The following EPS8 variants were observed in gnomAD, a reference collection of about 807,000 sequenced individuals.
EPS8 encodes EGFR pathway substrate 8, signaling adaptor.
Under a neutral mutation model 103.8 loss-of-function variants are expected in EPS8, and 42 were observed. The observed-to-expected ratio is 0.40, with a 90% CI of 0.32 to 0.52. EPS8 has a LOEUF of 0.52. Ranked by LOEUF, EPS8 falls within the 20% of genes least tolerant of loss-of-function variation. The pLI is 0.40. For missense variants in EPS8, 969 were observed against 1,005.1 expected (o/e 0.96, Z 0.49); for synonymous variants, 344 against 344.6 (o/e 1.00, Z 0.02).
At chr12:15,740,329 G>A (rs1364546247) in intron 1 of EPS8, among the ~76,000 whole-genome samples, 1 of 152,070 alleles carries the variant, frequency 6.6e-6, no homozygotes, top group Non-Finnish European at 1.5e-5. Flanking sequence ...GGCAGATCAT[G>A]AGGTCAGGAG....
rs373868384 is a variant in EPS8 at position 15,662,103 on chromosome 12, T to C, written c.737-4A>G. The C allele has an allele frequency of 2.1e-5, 34 of 1,611,954 alleles. 1 individual carries two copies. Among genetic ancestry groups the C allele is most frequent in the South Asian group, 1.5e-4 (14 of 91,040 alleles). ...TGATACTGCCTTGGTTTCTCAACTA[T>C]AGAAAGGACAATCATAAGTCTTTCA... On this transcript the variant is annotated splice_region_variant and splice_polypyrimidine_tract_variant and intron_variant, in intron 8 of 20. Coordinates refer to ENST00000281172, the MANE Select transcript of EPS8 (RefSeq NM_004447.6).
Position 15,702,744 on chromosome 12 carries a change from A to G in EPS8, c.-21-19772T>C, listed in dbSNP as rs1226570190. Reference sequence around the variant, plus strand: ...ATGCTTAATATTTTACCTATATCCAATACATATATATCCAGTATATTAATA... The same window carrying G: ...ATGCTTAATATTTTACCTATATCCAGTACATATATATCCAGTATATTAATA... On this transcript the variant is annotated intron_variant, in intron 1 of 20. Coordinates refer to ENST00000281172, the MANE Select transcript of EPS8 (RefSeq NM_004447.6). This position sits in a 1 kb window ranked among gnomAD's most constrained non-coding sequence, Gnocchi z 5.1. 6.6e-6 allele frequency among the ~76,000 whole-genome samples: 1 copy of G among 152,202 alleles called. No homozygotes were observed. The highest frequency in any genetic ancestry group is 6.5e-5 in the Admixed American group (1 of 15,276).
intron 13 of EPS8, 85 bp downstream of exon 13, chr12:15,654,060 T>C: frequency 3.1e-6 from 4 of 1,294,464 alleles, no homozygotes; most frequent in Non-Finnish European, 1.1e-6. Flanking sequence ...GTCCTTCGTA[T>C]GTAGAAGGTT....
chr12:15,648,537 T>G (rs2135780059), intron 14 of EPS8, among the ~76,000 whole-genome samples: 1 of 152,340 alleles, frequency 6.6e-6, no homozygotes, highest in South Asian at 2.1e-4. Context: ...TTCAGCCATT[T>G]AAATTAAAAA....
At chr12:15,739,397 G>T (rs545127889) in intron 1 of EPS8, among the ~76,000 whole-genome samples, 1 of 152,114 alleles carries the variant, frequency 6.6e-6, no homozygotes, top group Non-Finnish European at 1.5e-5. Flanking sequence ...TATCTGTGAC[G>T]GTGTTTCTGG....
chr12:15,715,533 C>A lies in EPS8; in HGVS notation c.-21-32561G>T, dbSNP rs1270204762. Among the ~76,000 whole-genome samples the A allele has an allele frequency of 3.3e-5, 5 of 151,716 alleles. No individual in the cohort carries two copies. The East Asian group carries it at 9.7e-4, about 29-fold the overall frequency. Reference sequence around the variant, plus strand: ...CCGAATAGCTGGGACTACTGGTGTGCGCCACTACGCCTGGCTAATTTTTTG... The same window carrying A: ...CCGAATAGCTGGGACTACTGGTGTGAGCCACTACGCCTGGCTAATTTTTTG... On this transcript the variant is annotated intron_variant, in intron 1 of 20. Coordinates refer to ENST00000281172, the MANE Select transcript of EPS8 (RefSeq NM_004447.6).
Position 15,721,069 on chromosome 12 carries a change from G to A in EPS8, c.-21-38097C>T, listed in dbSNP as rs907645578. On this transcript the variant is annotated intron_variant, in intron 1 of 20. Transcript: ENST00000281172. The surrounding 1 kb of genome is among the most constrained non-coding windows in gnomAD (Gnocchi z 4.4). ...AGAATACATACTTCTTGAGGGCAAG[G>A]GCCAGCCTTTGTTTACCACTGTATC... 6.6e-5 allele frequency among the ~76,000 whole-genome samples: 10 copies of A among 152,098 alleles called. No individual in the cohort carries two copies. The highest frequency in any genetic ancestry group is 1.3e-4 in the Non-Finnish European group (9 of 68,024).
At chr12:15,676,433 A>T (rs1173576846) in intron 3 of EPS8, among the ~76,000 whole-genome samples, 1 of 152,122 alleles carries the variant, frequency 6.6e-6, no homozygotes, top group Non-Finnish European at 1.5e-5. Context: ...ACATGGAAAA[A>T]GCAGCCCTAA....
intron 18 of EPS8, among the ~76,000 whole-genome samples, chr12:15,627,283 C>T (rs1247311656): frequency 6.6e-6 from 1 of 152,212 alleles, no homozygotes; most frequent in African/African-American, 2.4e-5. Flanking sequence ...GGATTACAGG[C>T]ATGAGCCACC....
intron 3 of EPS8, among the ~76,000 whole-genome samples, chr12:15,675,715 C>T: frequency 6.6e-6 from 1 of 152,132 alleles, no homozygotes; most frequent in African/African-American, 2.4e-5. Context: ...GTAATGACAA[C>T]AAAATATTAC....
intron 9 of EPS8, 123 bp downstream of exon 9, chr12:15,661,903 C>T (rs1459857171): frequency 1.4e-6 from 1 of 731,564 alleles, no homozygotes; most frequent in East Asian, 2.5e-5. Flanking sequence ...ATAGCCATCA[C>T]AGGTAACAGA....
chr12:15,665,626 C>T (rs1334547741), intron 8 of EPS8, 130 bp downstream of exon 8: 55 of 1,127,072 alleles, frequency 4.9e-5, no homozygotes, highest in South Asian at 3.7e-4. Flanking sequence ...CCACTGCGCC[C>T]GGCCAGAGTT....
chr12:15,633,298 C>A (rs1277006398), intron 17 of EPS8, among the ~76,000 whole-genome samples: 1 of 152,250 alleles, frequency 6.6e-6, no homozygotes, highest in Non-Finnish European at 1.5e-5. Flanking sequence ...TAGCACACAC[C>A]AAAGTCATCT....
At chr12:15,631,799 C>T (rs1231956261) in intron 17 of EPS8, 135 bp from the exon 18 acceptor site, 2 of 654,358 alleles carry the variant, frequency 3.1e-6, no homozygotes, top group Non-Finnish European at 5.3e-6. Context: ...TATCTGTAAT[C>T]CTATATGGTA....
chr12:15,637,918 T>C (rs568301976), intron 17 of EPS8, among the ~76,000 whole-genome samples: 9 of 152,176 alleles, frequency 5.9e-5, no homozygotes, highest in Non-Finnish European at 1.2e-4. Context: ...TTGTTCTTTT[T>C]ACCAAGTGTG....
chr12:15,746,468 T>C (rs1474295838), intron 1 of EPS8, among the ~76,000 whole-genome samples: 3 of 151,944 alleles, frequency 2.0e-5, no homozygotes, highest in Non-Finnish European at 4.4e-5. Flanking sequence ...GTCTGGATAA[T>C]CAAAATGAGC....
chr12:15,728,926 A>G lies in EPS8; in HGVS notation c.-21-45954T>C, dbSNP rs777866060. On this transcript the variant is annotated intron_variant, in intron 1 of 20. Coordinates refer to ENST00000281172, the MANE Select transcript of EPS8 (RefSeq NM_004447.6). The surrounding 1 kb of genome is among the most constrained non-coding windows in gnomAD (Gnocchi z 4.5). The stretch of plus-strand genomic sequence containing the variant: ...CATCTTTTTTAAAAACATTTCTTGT[A>G]AGGCACTGTGCTGGCAGCAAATTCC... Among the ~76,000 whole-genome samples, 4 of 152,204 alleles carry G rather than the reference A, an allele frequency of 2.6e-5. No homozygotes were observed. The highest frequency in any genetic ancestry group is 5.9e-5 in the Non-Finnish European group (4 of 68,024).
intron 13 of EPS8, among the ~76,000 whole-genome samples, 172 bp from the exon 14 acceptor site, chr12:15,651,178 A>G (rs1218019628): frequency 1.3e-5 from 2 of 152,208 alleles, no homozygotes; most frequent in Admixed American, 6.5e-5. Context: ...AAAAGCAAAC[A>G]TGTTTATGCC....
In EPS8 at chr12:15,695,638, C is replaced by T. The variant is rs1946232645; in HGVS notation, c.-21-12666G>A. On this transcript the variant is annotated intron_variant, in intron 1 of 20. Coordinates refer to ENST00000281172, the MANE Select transcript of EPS8 (RefSeq NM_004447.6). This position sits in a 1 kb window ranked among gnomAD's most constrained non-coding sequence, Gnocchi z 5.0. ...ATGGTTAGCAAAACAGACAGGGTTC[C>T]TACCTTCATGGAGCTTACAATCTAG... Among the ~76,000 whole-genome samples, 1 of 152,288 alleles carries T rather than the reference C, an allele frequency of 6.6e-6. No individual in the cohort carries two copies. Among genetic ancestry groups the T allele is most frequent in the Non-Finnish European group, 1.5e-5 (1 of 68,016 alleles).
Sources: allele counts gnomAD v4.1 joint callset (sites outside exome capture counted in the v4.1 genomes callset), GRCh38; gene constraint gnomAD v4.1.1; non-coding constraint Gnocchi (gnomAD v3.1); transcripts MANE v1.5; gene names NCBI Gene and HGNC (gene_info 2026-07-23, HGNC 2026-07-21).